CNN1: variants seen among roughly 807,000 people sequenced by gnomAD.
CNN1 encodes the protein calponin-1.
Under a neutral mutation model 35.3 loss-of-function variants are expected in CNN1, and 21 were observed. The observed-to-expected ratio is 0.60, with a 90% CI of 0.42 to 0.86. The LOEUF is 0.86. Among genes scored for constraint, CNN1 ranks in the 40% least tolerant of loss-of-function variants. CNN1 has a pLI of 0.00. For missense variants in CNN1, 314 were observed against 400.8 expected (o/e 0.78, Z 1.85); for synonymous variants, 164 against 161.8 (o/e 1.01, Z -0.10).
intron 1 of CNN1, chr19:11,540,051 C>A (rs909821709): frequency 9.6e-7 from 1 of 1,042,550 alleles, no homozygotes; most frequent in Non-Finnish European, 1.2e-6. Flanking sequence ...CACCTCCCCC[C>A]ACTCACCCGG....
intron 1 of CNN1, 35 bp from the exon 2 acceptor site, chr19:11,541,041 C>T (rs779125004): frequency 1.3e-6 from 2 of 1,570,428 alleles, no homozygotes; most frequent in East Asian, 2.4e-5. Context: ...ATCCTCACCC[C>T]TTTCTCTGTG....
intron 2 of CNN1, among the ~76,000 whole-genome samples, chr19:11,545,972 A>T (rs1000222449): frequency 6.7e-6 from 1 of 149,480 alleles, no homozygotes; most frequent in Non-Finnish European, 1.5e-5. Flanking sequence ...CATCAAAAAG[A>T]AAAAAAAAAG....
rs758051953 is a variant in CNN1, at chr19:11,549,824, C to G, written c.*29C>G. 1 of 1,575,596 alleles carries G rather than the reference C, an allele frequency of 6.3e-7. No individual in the cohort carries two copies. The highest frequency in any genetic ancestry group is 8.7e-7 in the Non-Finnish European group (1 of 1,156,044). On this transcript the variant is annotated 3_prime_UTR_variant, in exon 7 of 7. Coordinates refer to ENST00000252456, the MANE Select transcript of CNN1 (RefSeq NM_001299.6). The surrounding 1 kb of genome is among the most constrained non-coding windows in gnomAD (Gnocchi z 5.2). ...CACAAGGCCTTCCCTGTTTTCCCCCCAAGGGAGGCTGCTGCTGCTCTTGGC... is the reference window on the plus strand; with the variant it reads ...CACAAGGCCTTCCCTGTTTTCCCCCGAAGGGAGGCTGCTGCTGCTCTTGGC...
In CNN1 at chr19:11,540,978, C is replaced by T; in HGVS notation, c.64-98C>T. 3 of 1,310,852 alleles carry T rather than the reference C, an allele frequency of 2.3e-6. No individual in the cohort carries two copies. The Admixed American group carries it at 8.9e-5, about 39-fold the overall frequency. The allele number at this position is 1,310,852 out of a possible 1,614,324, so 81.2% of individuals were successfully genotyped here. A position where few individuals can be genotyped will look rare whatever the true frequency, so the allele number is the denominator to read the frequency against. ...CTTAGTTGGGAAGGACGAGGGAGAT[C>T]AGGCTCTAGGAAGTTCAGACAGGAC... is the stretch of plus-strand genomic sequence containing the variant. On this transcript the variant is annotated intron_variant, in intron 1 of 6. Coordinates refer to ENST00000252456, the MANE Select transcript of CNN1 (RefSeq NM_001299.6).
chr19:11,546,231 C>A (rs1466909064), intron 2 of CNN1, among the ~76,000 whole-genome samples: 1 of 152,132 alleles, frequency 6.6e-6, no homozygotes, highest in Non-Finnish European at 1.5e-5. Flanking sequence ...CAGCTGAGAG[C>A]TGACTGCAGG....
intron 2 of CNN1, 121 bp from the exon 3 acceptor site, chr19:11,546,554 T>C (rs936242132): frequency 8.2e-6 from 8 of 969,874 alleles, no homozygotes; most frequent in South Asian, 4.3e-5. Flanking sequence ...CAGGATAGTC[T>C]CGCTCTCCTG....
intron 4 of CNN1, 36 bp downstream of exon 4, chr19:11,547,005 G>A: frequency 6.2e-7 from 1 of 1,610,106 alleles, no homozygotes; most frequent in Non-Finnish European, 8.5e-7. Flanking sequence ...GGGGTGGTGG[G>A]CAGCCTGGGC....
In CNN1 at chr19:11,549,669, G is replaced by T; in HGVS notation, c.768G>T (p.Arg256=). ...GCAGCAACAAGGGCGCCTCGCAGCG[G>T]GGCATGACGGTGTATGGGCTGCCAC... ...QMGSNKGASQ[R]GMTVYGLPRQ... is the part of the protein sequence containing the mutation. Residue 256 remains arginine (R), a synonymous_variant, in exon 7 of 7, where the codon CGG becomes CGT. Coordinates refer to ENST00000252456, the MANE Select transcript of CNN1 (RefSeq NM_001299.6). This position sits in a 1 kb window ranked among gnomAD's most constrained non-coding sequence, Gnocchi z 5.2. The T allele has an allele frequency of 4.3e-6, 7 of 1,614,178 alleles. No individual in the cohort carries two copies. Among genetic ancestry groups the T allele is most frequent in the Non-Finnish European group, 5.9e-6 (7 of 1,180,008 alleles).
At chr19:11,548,320 G>C (rs947263649) in intron 5 of CNN1, among the ~76,000 whole-genome samples, 1 of 151,852 alleles carries the variant, frequency 6.6e-6, no homozygotes, top group Non-Finnish European at 1.5e-5. Flanking sequence ...CAGGAGGATT[G>C]CTTGAGGTCA....
chr19:11,543,755 C>T (rs1352707937), intron 2 of CNN1, among the ~76,000 whole-genome samples: 3 of 134,724 alleles, frequency 2.2e-5, no homozygotes, highest in Non-Finnish European at 4.6e-5. Context: ...TGCACTCCAG[C>T]TTGGGTGACA....
chr19:11,539,683 AGGGAG>A (rs1972414350), intron 1 of CNN1: 1 of 682,238 alleles, frequency 1.5e-6, no homozygotes, highest in Non-Finnish European at 2.3e-6. Context: ...AGTATTGCCG[AGGGAG>A]GAGTTCCTGC....
chr19:11,549,339 TTGCC>T lies in CNN1; in HGVS notation c.519_522del (p.Phe173LeufsTer6), dbSNP rs1972661527. ...GCTTCCTAGATGGGCACCAACAAGT[TTGCC>T]AGCCAGCAGGGCATGACGGCCTATG... On this transcript the variant is annotated frameshift_variant, in exon 6 of 7. Transcript: ENST00000252456. LOFTEE classifies it high-confidence loss of function. This position sits in a 1 kb window ranked among gnomAD's most constrained non-coding sequence, Gnocchi z 5.2. 6.2e-7 allele frequency: 1 copy of T among 1,613,944 alleles called. No individual in the cohort carries two copies. Among genetic ancestry groups the T allele is most frequent in the East Asian group, 2.2e-5 (1 of 44,876 alleles).
rs369578314 is a variant in CNN1 at position 11,549,594 on chromosome 19, G to T, written c.693G>T (p.Pro231=). Reference sequence around the variant, plus strand: ...GGACCAAGCGGCAGATCTTCGAGCCGGGGCTGGGCATGGAGCACTGCGACA... The same window carrying T: ...GGACCAAGCGGCAGATCTTCGAGCCTGGGCTGGGCATGGAGCACTGCGACA... ...APGTKRQIFE[P]GLGMEHCDTL... The change falls in exon 7 of 7, where the codon CCG becomes CCT. Residue 231 remains proline, a synonymous_variant. Coordinates refer to ENST00000252456, the MANE Select transcript of CNN1 (RefSeq NM_001299.6). The surrounding 1 kb of genome is among the most constrained non-coding windows in gnomAD (Gnocchi z 5.2). 1 of 1,605,118 alleles carries T rather than the reference G, an allele frequency of 6.2e-7. No homozygotes were observed. The highest frequency in any genetic ancestry group is 2.2e-5 in the East Asian group (1 of 44,638).
chr19:11,540,007 C>A, intron 1 of CNN1: 1 of 1,061,818 alleles, frequency 9.4e-7, no homozygotes, highest in Non-Finnish European at 1.1e-6. Flanking sequence ...TGGGGGGCGG[C>A]AGGGCCAGGG....
At position 11,538,907 on chromosome 19, in the gene CNN1, C is replaced by A; in HGVS notation, c.-21C>A. 2 of 1,544,492 alleles carry A rather than the reference C, an allele frequency of 1.3e-6. No homozygotes were observed. Among genetic ancestry groups the A allele is most frequent in the South Asian group, 1.2e-5 (1 of 82,360 alleles). On this transcript the variant is annotated 5_prime_UTR_variant, in exon 1 of 7. Transcript: ENST00000252456. ...TCAGCGTCAGTGCCGCCACTGCCCC[C>A]GCCAGAGCCCACCGGCCAGCATGTC...
rs1157185304 is a variant in CNN1, at chr19:11,547,924, A to G, written c.501+17A>G. ...GGGCTGCAGGTACCGCCCTGTCCTC[A>G]CTGCGCAGAGGTCATAGAGGCCAGG... On this transcript the variant is annotated intron_variant, in intron 5 of 6. Coordinates refer to ENST00000252456, the MANE Select transcript of CNN1 (RefSeq NM_001299.6). 1 of 1,606,380 alleles carries G rather than the reference A, an allele frequency of 6.2e-7. No individual in the cohort carries two copies. The highest frequency in any genetic ancestry group is 1.1e-5 in the South Asian group (1 of 90,418).
chr19:11,544,684 T>G (rs1274070758), intron 2 of CNN1, among the ~76,000 whole-genome samples: 1 of 140,560 alleles, frequency 7.1e-6, no homozygotes, highest in Non-Finnish European at 1.5e-5. Context: ...TTTTTTTTTG[T>G]AGAGACACGG....
chr19:11,545,028 G>A (rs1443076251), intron 2 of CNN1, among the ~76,000 whole-genome samples: 11 of 151,860 alleles, frequency 7.2e-5, no homozygotes, highest in East Asian at 3.9e-4. Context: ...GTGAAACCGC[G>A]TCTCTACTAA....
chr19:11,548,557 G>C (rs959426520), intron 5 of CNN1, among the ~76,000 whole-genome samples: 2 of 150,292 alleles, frequency 1.3e-5, no homozygotes, highest in Non-Finnish European at 3.0e-5. Flanking sequence ...ATGAAAATGG[G>C]CTGGGTATGG....
Sources: allele counts gnomAD v4.1 joint callset (sites outside exome capture counted in the v4.1 genomes callset), GRCh38; gene constraint gnomAD v4.1.1; non-coding constraint Gnocchi (gnomAD v3.1); transcripts MANE v1.5; gene names NCBI Gene and HGNC (gene_info 2026-07-23, HGNC 2026-07-21).